The following FAM120A variants were observed in gnomAD, a reference collection of about 807,000 sequenced individuals.
FAM120A encodes family with sequence similarity 120 member A, also known as constitutive coactivator of PPAR-gamma-like protein 1.
A neutral mutation model predicts 109.7 loss-of-function variants in FAM120A; 15 were observed. That is an observed-to-expected ratio of 0.14 (90% CI 0.09 to 0.21). The LOEUF (loss-of-function observed/expected upper bound fraction) is 0.21, where lower values mean the gene tolerates loss of function less well. Ranked by LOEUF, FAM120A falls within the 10% of genes least tolerant of loss-of-function variation. FAM120A has a pLI of 1.00. For missense variants in FAM120A, 899 were observed against 1,439.3 expected (o/e 0.62, Z 6.07); for synonymous variants, 493 against 572.8 (o/e 0.86, Z 1.99).
chr9:93,511,344 G>C (rs1431662467), intron 5 of FAM120A, among the ~76,000 whole-genome samples: 1 of 152,228 alleles, frequency 6.6e-6, no homozygotes, highest in East Asian at 1.9e-4. Context: ...GCCAGCATCA[G>C]CTGCTCCCAG....
At chr9:93,469,408 G>C (rs1210719613) in intron 1 of FAM120A, among the ~76,000 whole-genome samples, 1 of 152,144 alleles carries the variant, frequency 6.6e-6, no homozygotes, top group Non-Finnish European at 1.5e-5. Context: ...GTCACTTACT[G>C]TCTCCTTTCA....
intron 2 of FAM120A, among the ~76,000 whole-genome samples, chr9:93,474,139 A>G (rs886784525): frequency 9.9e-5 from 15 of 152,204 alleles, no homozygotes; most frequent in Non-Finnish European, 1.8e-4. Context: ...AATCTCTTCA[A>G]AAAGTTTAGT....
chr9:93,480,483 T>C (rs1858751550), intron 3 of FAM120A, among the ~76,000 whole-genome samples: 1 of 152,128 alleles, frequency 6.6e-6, no homozygotes, highest in African/African-American at 2.4e-5. Context: ...CAGAGCAGGC[T>C]GGGCCAGGAT....
chr9:93,509,607 A>T (rs1310226995), intron 5 of FAM120A, among the ~76,000 whole-genome samples: 1 of 152,228 alleles, frequency 6.6e-6, no homozygotes, highest in Non-Finnish European at 1.5e-5. Flanking sequence ...AACCTTAAAA[A>T]TTTGATATTC....
chr9:93,503,375 A>G (rs1359730063), intron 5 of FAM120A, among the ~76,000 whole-genome samples: 3 of 152,222 alleles, frequency 2.0e-5, no homozygotes, highest in African/African-American at 7.2e-5. Context: ...AGTTTGGTGT[A>G]TCTAAGCAAT....
At chr9:93,508,271 A>T (rs957273818) in intron 5 of FAM120A, among the ~76,000 whole-genome samples, 1 of 152,196 alleles carries the variant, frequency 6.6e-6, no homozygotes, top group African/African-American at 2.4e-5. Context: ...CAAAGAACAG[A>T]TGCTACACAG....
intron 5 of FAM120A, among the ~76,000 whole-genome samples, chr9:93,499,233 A>G (rs568118825): frequency 2.6e-5 from 4 of 151,908 alleles, no homozygotes; most frequent in South Asian, 4.2e-4. Context: ...AAGTGATTTC[A>G]TAAATGCAGT....
In FAM120A at chr9:93,557,952, G is replaced by C. The variant is rs1417967495; in HGVS notation, c.2610G>C (p.Ala870=). The change falls in exon 14 of 18, where the codon GCG becomes GCC. Residue 870 remains alanine, a synonymous_variant. Coordinates refer to ENST00000277165, the MANE Select transcript of FAM120A (RefSeq NM_014612.5). The stretch of plus-strand genomic sequence containing the variant: ...CCCTGCCCTTCTACCCTGCCTCTGC[G>C]TACCCCCGGCACTTTGGGCCTGTCC... ...PPALPFYPAS[A]YPRHFGPVPP... The C allele has an allele frequency of 6.2e-7, 1 of 1,605,886 alleles. No homozygotes were observed. Among genetic ancestry groups the C allele is most frequent in the Admixed American group, 1.7e-5 (1 of 59,914 alleles).
chr9:93,524,863 CG>C (rs1861005539), intron 7 of FAM120A, among the ~76,000 whole-genome samples: 1 of 151,970 alleles, frequency 6.6e-6, no homozygotes. Context: ...TCCCTGTGGC[CG>C]GTGCCTGTCT....
intron 1 of FAM120A, among the ~76,000 whole-genome samples, chr9:93,461,776 G>GC (rs1393131096): frequency 6.6e-6 from 1 of 152,084 alleles, no homozygotes; most frequent in African/African-American, 2.4e-5. Flanking sequence ...AACTTTTTGA[G>GC]CACCAGCATG....
chr9:93,562,349 G>A, intron 17 of FAM120A, 45 bp downstream of exon 17: 1 of 1,455,978 alleles, frequency 6.9e-7, no homozygotes. Context: ...TGCCCTCAGG[G>A]ATGTCTCCTG....
At chr9:93,453,336 G>T in intron 1 of FAM120A, 2 of 985,838 alleles carry the variant, frequency 2.0e-6, no homozygotes, top group Non-Finnish European at 2.4e-6. Flanking sequence ...AGAACTTCAG[G>T]ACCCAGCAGT....
chr9:93,505,129 C>T (rs983300585), intron 5 of FAM120A, among the ~76,000 whole-genome samples: 15 of 134,884 alleles, frequency 1.1e-4, no homozygotes, highest in African/African-American at 4.3e-4. Flanking sequence ...GGCGCAATCT[C>T]GGCTCACTGC....
chr9:93,511,736 G>A (rs1363662014), intron 5 of FAM120A, among the ~76,000 whole-genome samples: 3 of 152,126 alleles, frequency 2.0e-5, no homozygotes, highest in East Asian at 1.9e-4. Flanking sequence ...TCTTGGACTC[G>A]ACATCTTCAA....
chr9:93,547,036 G>C (rs939016293), intron 11 of FAM120A, among the ~76,000 whole-genome samples: 3 of 152,170 alleles, frequency 2.0e-5, no homozygotes, highest in Non-Finnish European at 4.4e-5. Context: ...GCAGCAATGG[G>C]GATGGACAGT....
intron 3 of FAM120A, among the ~76,000 whole-genome samples, chr9:93,476,867 A>G (rs552936427): frequency 2.0e-5 from 3 of 152,194 alleles, no homozygotes; most frequent in Non-Finnish European, 2.9e-5. Context: ...TGTTTGTGAT[A>G]GTAATAAACA....
chr9:93,529,806 G>A (rs1317270322), intron 9 of FAM120A: 4 of 599,282 alleles, frequency 6.7e-6, no homozygotes, highest in Non-Finnish European at 1.2e-5. Context: ...CTTCAACTTA[G>A]TATAGAATAT....
At chr9:93,487,985 T>A (rs1859139368) in intron 3 of FAM120A, among the ~76,000 whole-genome samples, 1 of 152,250 alleles carries the variant, frequency 6.6e-6, no homozygotes, top group Non-Finnish European at 1.5e-5. Context: ...GCAGGTTCTT[T>A]ATGCCAGAAT....
intron 11 of FAM120A, among the ~76,000 whole-genome samples, chr9:93,544,598 TA>T (rs940428609): frequency 4.1e-4 from 62 of 152,250 alleles, no homozygotes; most frequent in African/African-American, 1.2e-3. Flanking sequence ...TTTTTTAACT[TA>T]AATACTTTAC....
Sources: allele counts gnomAD v4.1 joint callset (sites outside exome capture counted in the v4.1 genomes callset), GRCh38; gene constraint gnomAD v4.1.1; transcripts MANE v1.5; gene names NCBI Gene and HGNC (gene_info 2026-07-23, HGNC 2026-07-21).